Variants in ZDHHC17 observed in about 807,000 individuals in gnomAD.
ZDHHC17 encodes palmitoyltransferase ZDHHC17.
Under a neutral mutation model 90.3 loss-of-function variants are expected in ZDHHC17, and 40 were observed. That is an observed-to-expected ratio of 0.44 (90% CI 0.34 to 0.58). The LOEUF (loss-of-function observed/expected upper bound fraction) is 0.58. Among genes scored for constraint, ZDHHC17 ranks in the 20% least tolerant of loss-of-function variants. ZDHHC17 has a pLI of 0.01. For missense variants in ZDHHC17, 614 were observed against 780.8 expected (o/e 0.79, Z 2.55); for synonymous variants, 235 against 252.4 (o/e 0.93, Z 0.65).
intron 10 of ZDHHC17, among the ~76,000 whole-genome samples, chr12:76,834,221 TCTGA>T (rs1250322571): frequency 1.3e-5 from 2 of 152,200 alleles, no homozygotes; most frequent in African/African-American, 4.8e-5. Flanking sequence ...AAATTTTTTC[TCTGA>T]CTATGCTTCT....
intron 2 of ZDHHC17, among the ~76,000 whole-genome samples, chr12:76,803,914 T>TA (rs1952923561): frequency 6.6e-6 from 1 of 152,130 alleles, no homozygotes; most frequent in African/African-American, 2.4e-5. Flanking sequence ...ACTAGCTAGT[T>TA]AAATGCCATC....
At chr12:76,832,152 G>T (rs1252713010) in intron 10 of ZDHHC17, among the ~76,000 whole-genome samples, 5 of 152,134 alleles carry the variant, frequency 3.3e-5, no homozygotes, top group African/African-American at 1.2e-4. Flanking sequence ...AAACCTTTAG[G>T]AAGGGAACAG....
At chr12:76,797,686 T>G in intron 2 of ZDHHC17, 149 bp downstream of exon 2, 1 of 508,366 alleles carries the variant, frequency 2.0e-6, no homozygotes, top group Non-Finnish European at 3.2e-6. Context: ...CTCACACCTG[T>G]AATCTCAGTA....
chr12:76,842,689 A>T (rs757384260), intron 11 of ZDHHC17, among the ~76,000 whole-genome samples: 1 of 152,180 alleles, frequency 6.6e-6, no homozygotes, highest in African/African-American at 2.4e-5. Flanking sequence ...GACTAAGACA[A>T]TGGCAGATTC....
chr12:76,799,706 A>G (rs759170021), intron 2 of ZDHHC17, among the ~76,000 whole-genome samples: 8 of 152,234 alleles, frequency 5.3e-5, no homozygotes, highest in Non-Finnish European at 1.0e-4. Context: ...TTTGAGTGCA[A>G]CAACATAGAG....
At position 76,815,901 on chromosome 12, in the gene ZDHHC17, A is replaced by G. The variant is rs200802830; in HGVS notation, c.653A>G (p.Asn218Ser). The change falls in exon 7 of 17, where the codon AAC (asparagine) becomes AGC (serine). Residue 218 changes from asparagine to serine, a missense_variant. Asn to Ser is a conservative substitution (Grantham distance 46). Transcript: ENST00000426126. ...RLLLTFNVSV[N>S]LGDKYHKNTA... ...CTTTTAACATTCAATGTTTCAGTTA[A>G]CCTTGGTGACAAGTATCACAAAAAC... The G allele has an allele frequency of 3.4e-4, 534 of 1,577,686 alleles. No homozygotes were observed. The highest frequency in any genetic ancestry group is 4.4e-4 in the Non-Finnish European group (506 of 1,160,292).
chr12:76,807,848 G>C (rs1277607521), intron 3 of ZDHHC17, among the ~76,000 whole-genome samples: 2 of 152,122 alleles, frequency 1.3e-5, no homozygotes, highest in South Asian at 4.1e-4. Context: ...TACGAGAGTG[G>C]TTATTTTGGC....
chr12:76,768,946 A>T, intron 1 of ZDHHC17: 2 of 165,862 alleles, frequency 1.2e-5, no homozygotes, highest in South Asian at 1.1e-4. Context: ...AACGTTTTTT[A>T]TTTCACATTC....
intron 7 of ZDHHC17, among the ~76,000 whole-genome samples, chr12:76,819,422 A>G (rs567398755): frequency 6.6e-6 from 1 of 152,286 alleles, no homozygotes; most frequent in South Asian, 2.1e-4. Flanking sequence ...ATAATAGTGG[A>G]TTGTAACGAT....
In ZDHHC17 at chr12:76,842,008, C is replaced by G; in HGVS notation, c.1168C>G (p.Pro390Ala). 1 of 1,586,546 alleles carries G rather than the reference C, an allele frequency of 6.3e-7. No individual in the cohort carries two copies. Among genetic ancestry groups the G allele is most frequent in the Non-Finnish European group, 8.6e-7 (1 of 1,167,236 alleles). Residue 390 changes from proline to alanine, a missense_variant, in exon 11 of 17, where the codon CCA (proline) becomes GCA (alanine). Physicochemically the swap from Pro to Ala is conservative, Grantham distance 27 (BLOSUM62 -1). This residue lies in a region of ZDHHC17 where 117 missense variants were observed against 183.6 expected (regional missense o/e 0.64). Transcript: ENST00000426126. The part of the protein sequence containing the change: ...NDLNFLFIHL[P>A]FLANSVALFY... ...TCTCAACTTTTTATTTATCCATCTT[C>G]CATTCCTTGCCAATAGTGTTGCACT...
intron 15 of ZDHHC17, 76 bp downstream of exon 15, chr12:76,848,466 C>A: frequency 2.8e-6 from 4 of 1,413,186 alleles, no homozygotes; most frequent in Admixed American, 2.0e-5. Flanking sequence ...ATAATATATT[C>A]TCTTCCTAAC....
intron 12 of ZDHHC17, chr12:76,844,677 C>T (rs1953472973): frequency 1.3e-5 from 2 of 152,086 alleles, no homozygotes; most frequent in African/African-American, 4.8e-5. Flanking sequence ...AATAACTTAC[C>T]CTTTTCTTTA....
rs764637387 is a variant in ZDHHC17 at position 76,797,530 on chromosome 12, G to T, written c.190G>T (p.Ala64Ser). The T allele has an allele frequency of 1.3e-6, 2 of 1,594,074 alleles. No homozygotes were observed. The highest frequency in any genetic ancestry group is 1.2e-5 in the South Asian group (1 of 86,064). ...TTACAGCACATGGGACATAGTCAAG[G>T]CTACACAGTAAGGTTTTTGTTGTAG... Reference protein sequence around the residue: ...DDYSTWDIVKATQYGIYERCR... With the variant: ...DDYSTWDIVKSTQYGIYERCR... Residue 64 changes from alanine to serine, a missense_variant, in exon 2 of 17, where the codon GCT becomes TCT. By Grantham distance (99) the Ala-to-Ser change is moderately conservative. Around this residue, in one of 5 missense-constraint regions of ZDHHC17, gnomAD observed 358 missense variants for 380.4 expected, o/e 0.94. Coordinates refer to ENST00000426126, the MANE Select transcript of ZDHHC17 (RefSeq NM_015336.4).
At chr12:76,788,688 ATTTTTTTTTTTTTT>A (rs763269507) in intron 1 of ZDHHC17, among the ~76,000 whole-genome samples, 1 of 98,648 alleles carries the variant, frequency 1.0e-5, no homozygotes, top group Non-Finnish European at 1.9e-5. Context: ...TGGAATCGCA[ATTTTTTTTTTTTTT>A]TTTTTTTTTT....
intron 13 of ZDHHC17, 49 bp from the exon 14 acceptor site, chr12:76,846,547 C>T (rs1307640143): frequency 6.3e-6 from 9 of 1,436,970 alleles, no homozygotes; most frequent in East Asian, 2.3e-5. Flanking sequence ...GTGCATTACC[C>T]GTTGTTTTTT....
chr12:76,775,727 G>C (rs1174560238), intron 1 of ZDHHC17, among the ~76,000 whole-genome samples: 1 of 152,020 alleles, frequency 6.6e-6, no homozygotes, highest in African/African-American at 2.4e-5. Flanking sequence ...AACAATACCT[G>C]GCAAATAGTT....
At chr12:76,825,591 T>A (rs911304378) in intron 8 of ZDHHC17, among the ~76,000 whole-genome samples, 1 of 152,130 alleles carries the variant, frequency 6.6e-6, no homozygotes, top group African/African-American at 2.4e-5. Flanking sequence ...GAAATTGATG[T>A]TTAATTATTA....
intron 1 of ZDHHC17, among the ~76,000 whole-genome samples, chr12:76,780,067 G>A (rs1305164420): frequency 6.6e-6 from 1 of 152,038 alleles, no homozygotes; most frequent in Non-Finnish European, 1.5e-5. Flanking sequence ...GTAGGTCTTG[G>A]AGTTTAGTAG....
At chr12:76,808,806 C>G (rs77028946) in intron 3 of ZDHHC17, among the ~76,000 whole-genome samples, 1 of 146,458 alleles carries the variant, frequency 6.8e-6, no homozygotes, top group Non-Finnish European at 1.5e-5. Context: ...CATTTTTATT[C>G]TTTTTTTTTT....
Sources: gnomAD v4.1 joint callset for allele counts (sites outside exome capture counted in the v4.1 genomes callset) on GRCh38, gnomAD v4.1.1 for gene constraint, gnomAD v4.1.1 regional missense constraint, MANE v1.5 for transcripts, NCBI Gene and HGNC (gene_info 2026-07-23, HGNC 2026-07-21) for gene names.